CNTNAP2: variants seen among roughly 807,000 people sequenced by gnomAD.
CNTNAP2 encodes the protein contactin-associated protein-like 2.
Under a neutral mutation model 155.2 loss-of-function variants are expected in CNTNAP2, and 98 were observed. That is an observed-to-expected ratio of 0.63 (90% CI 0.54 to 0.75). The LOEUF is 0.75. Among genes scored for constraint, CNTNAP2 ranks in the 30% least tolerant of loss-of-function variants. CNTNAP2 has a pLI of 0.00. For synonymous variants in CNTNAP2, 651 were observed against 631.2 expected (o/e 1.03, Z -0.47); for missense variants, 1,727 against 1,688.1 (o/e 1.02, Z -0.40).
At chr7:146,735,472 G>C (rs1585065666) in intron 1 of CNTNAP2, among the ~76,000 whole-genome samples, 1 of 151,904 alleles carries the variant, frequency 6.6e-6, no homozygotes, top group Non-Finnish European at 1.5e-5. Flanking sequence ...GGAGAATGGC[G>C]TGAACCCGGG....
chr7:147,579,479 G>A (rs989242), intron 12 of CNTNAP2, among the ~76,000 whole-genome samples: 104,879 of 152,002 alleles, frequency 0.69, 36,748 homozygotes, highest in African/African-American at 0.81. Flanking sequence ...TGATACAGTT[G>A]TTGCTGTCAG....
chr7:147,335,686 G>T (rs1795652751), intron 9 of CNTNAP2, among the ~76,000 whole-genome samples: 1 of 152,090 alleles, frequency 6.6e-6, no homozygotes, highest in Non-Finnish European at 1.5e-5. Flanking sequence ...TTAGCAGAGG[G>T]TAACATTTTT....
rs374126711 is a variant in CNTNAP2 at position 146,932,760 on chromosome 7, C to G, written c.402+92856C>G. 1.4e-3 allele frequency among the ~76,000 whole-genome samples: 216 copies of G among 152,008 alleles called. 1 individual carries two copies. The highest frequency in any genetic ancestry group is 4.7e-3 in the African/African-American group (194 of 41,482). On this transcript the variant is annotated intron_variant, in intron 3 of 23. Transcript: ENST00000361727. Reference sequence around the variant, plus strand: ...AAAGTCTCAGGATACAAAATCAATGCACAAAAATCACAAGCATTCTTATAC... The same window carrying G: ...AAAGTCTCAGGATACAAAATCAATGGACAAAAATCACAAGCATTCTTATAC...
intron 8 of CNTNAP2, among the ~76,000 whole-genome samples, chr7:147,233,350 TCA>T (rs1044080831): frequency 6.6e-6 from 1 of 152,210 alleles, no homozygotes; most frequent in Non-Finnish European, 1.5e-5. Flanking sequence ...AACTGTTGAC[TCA>T]CAGAGTCTGC....
chr7:147,419,129 T>C (rs1463540689), intron 10 of CNTNAP2, among the ~76,000 whole-genome samples: 4 of 152,134 alleles, frequency 2.6e-5, no homozygotes, highest in African/African-American at 9.7e-5. Context: ...TGAAATATGA[T>C]ATAAGCAAGT....
chr7:147,387,466 C>A (rs1311440413), intron 9 of CNTNAP2, among the ~76,000 whole-genome samples: 1 of 152,142 alleles, frequency 6.6e-6, no homozygotes, highest in Non-Finnish European at 1.5e-5. Context: ...GGTGGCCCCC[C>A]AGTATCAATT....
At chr7:146,924,242 A>AT (rs148697086) in intron 3 of CNTNAP2, among the ~76,000 whole-genome samples, 2,236 of 151,902 alleles carry the variant, frequency 0.015, 59 homozygotes, top group African/African-American at 0.051. Context: ...ATAAAATTAG[A>AT]TTTTTTTTAA....
intron 15 of CNTNAP2, among the ~76,000 whole-genome samples, chr7:148,035,501 C>T (rs1364682024): frequency 6.6e-6 from 1 of 152,174 alleles, no homozygotes; most frequent in African/African-American, 2.4e-5. Flanking sequence ...GCAGCTGGTG[C>T]TGGTGCTCCA....
chr7:147,767,888 G>A (rs563253699), intron 13 of CNTNAP2, among the ~76,000 whole-genome samples: 49 of 152,218 alleles, frequency 3.2e-4, no homozygotes, highest in African/African-American at 1.1e-3. Context: ...GAGAAAGAAA[G>A]GAGATTATGT....
intron 9 of CNTNAP2, among the ~76,000 whole-genome samples, chr7:147,360,638 GA>G (rs1394744656): frequency 6.7e-6 from 1 of 149,212 alleles, no homozygotes; most frequent in Non-Finnish European, 1.5e-5. Context: ...TATTTCTTTT[GA>G]AAAAAAAACT....
rs1262522372 is a variant in CNTNAP2, at chr7:146,322,159, C to T, written c.97+205186C>T. 2.0e-5 allele frequency among the ~76,000 whole-genome samples: 3 copies of T among 152,072 alleles called. No individual in the cohort carries two copies. The East Asian group carries it at 5.8e-4, about 29-fold the overall frequency. ...AGGTAACCTTCACTTTTTATTCTGCCTAAGGCCAATACTAGTGGTTTCAAT... is the reference window on the plus strand; with the variant it reads ...AGGTAACCTTCACTTTTTATTCTGCTTAAGGCCAATACTAGTGGTTTCAAT... On this transcript the variant is annotated intron_variant, in intron 1 of 23. Transcript: ENST00000361727.
rs185325614 is a variant in CNTNAP2, at chr7:147,716,656, C to T, written c.2098+77350C>T. On this transcript the variant is annotated intron_variant, in intron 13 of 23. Transcript: ENST00000361727. ...TATTGACGCAGCTACCGGCATCCCCCGTGCAAGCTTCCAGCTTCCTTATCT... is the reference window on the plus strand; with the variant it reads ...TATTGACGCAGCTACCGGCATCCCCTGTGCAAGCTTCCAGCTTCCTTATCT... 1.8e-4 allele frequency among the ~76,000 whole-genome samples: 28 copies of T among 152,238 alleles called. No individual in the cohort carries two copies. The East Asian group carries it at 2.7e-3, about 15-fold the overall frequency.
chr7:147,693,378 A>G (rs1007916295), intron 13 of CNTNAP2, among the ~76,000 whole-genome samples: 3 of 152,086 alleles, frequency 2.0e-5, no homozygotes, highest in Admixed American at 1.3e-4. Context: ...CATTCACAAA[A>G]TAGCTTGCTC....
chr7:147,287,039 T>C (rs1469894179), intron 8 of CNTNAP2, among the ~76,000 whole-genome samples: 4 of 152,074 alleles, frequency 2.6e-5, no homozygotes. Flanking sequence ...TGGTGAGAAA[T>C]ATTTTATTCA....
chr7:147,561,760 A>T (rs1462789640), intron 11 of CNTNAP2, among the ~76,000 whole-genome samples: 1 of 152,214 alleles, frequency 6.6e-6, no homozygotes, highest in Non-Finnish European at 1.5e-5. Flanking sequence ...CTGGCCTCTT[A>T]GTTCATAACC....
chr7:147,006,649 T>C (rs1342141577), intron 3 of CNTNAP2, among the ~76,000 whole-genome samples: 2 of 152,112 alleles, frequency 1.3e-5, no homozygotes, highest in Non-Finnish European at 2.9e-5. Context: ...ACTAAATCTT[T>C]TCTGTATTTT....
intron 1 of CNTNAP2, among the ~76,000 whole-genome samples, chr7:146,150,989 T>A (rs1433503789): frequency 6.6e-6 from 1 of 152,102 alleles, no homozygotes; most frequent in Non-Finnish European, 1.5e-5. Context: ...CTTACAGTCA[T>A]GGCTGAAGGC....
At chr7:147,278,986 C>T (rs1804968174) in intron 8 of CNTNAP2, among the ~76,000 whole-genome samples, 1 of 151,348 alleles carries the variant, frequency 6.6e-6, no homozygotes, top group Non-Finnish European at 1.5e-5. Context: ...GAGCATTATA[C>T]ATAGCTTGCT....
At chr7:147,095,494 T>C (rs1357322781) in intron 4 of CNTNAP2, among the ~76,000 whole-genome samples, 1 of 151,570 alleles carries the variant, frequency 6.6e-6, no homozygotes, top group Non-Finnish European at 1.5e-5. Flanking sequence ...AACATAGCAG[T>C]TAATAAAATA....
Sources: allele counts gnomAD v4.1 joint callset (sites outside exome capture counted in the v4.1 genomes callset), GRCh38; gene constraint gnomAD v4.1.1; transcripts MANE v1.5; gene names NCBI Gene and HGNC (gene_info 2026-07-23, HGNC 2026-07-21).